The following FFAR4 variants were observed in gnomAD, a reference collection of about 807,000 sequenced individuals.
FFAR4 encodes the protein free fatty acid receptor 4.
In FFAR4, 19 loss-of-function variants were observed where a neutral mutation model predicts 27.0. The observed-to-expected ratio is 0.70, with a 90% CI of 0.49 to 1.03. FFAR4 has a LOEUF of 1.03. FFAR4 is among the 50% of genes least tolerant of loss of function. The probability of loss-of-function intolerance (pLI) is 0.00; values close to 1 mark genes in which losing one functional copy is unlikely to be tolerated. For synonymous variants in FFAR4, 254 were observed against 215.6 expected (o/e 1.18, Z -1.56); for missense variants, 476 against 479.0 (o/e 0.99, Z 0.06).
intron 2 of FFAR4, among the ~76,000 whole-genome samples, chr10:93,586,620 A>G (rs1040621602): frequency 6.6e-6 from 1 of 152,214 alleles, no homozygotes; most frequent in Non-Finnish European, 1.5e-5. Context: ...CTCTGTGCAG[A>G]TATGGCCCGA....
intron 1 of FFAR4, among the ~76,000 whole-genome samples, chr10:93,568,123 G>A (rs965709012): frequency 6.6e-6 from 1 of 152,070 alleles, no homozygotes. Flanking sequence ...CAAGTCCCGC[G>A]GTCCGGAATC....
At chr10:93,570,065 A>G (rs1451159148) in intron 1 of FFAR4, among the ~76,000 whole-genome samples, 1 of 151,824 alleles carries the variant, frequency 6.6e-6, no homozygotes, top group Non-Finnish European at 1.5e-5. Context: ...TCTCAAAAAA[A>G]AAAAATTTTT....
chr10:93,584,717 T>TG (rs887554189), intron 2 of FFAR4, among the ~76,000 whole-genome samples: 2 of 152,028 alleles, frequency 1.3e-5, no homozygotes, highest in African/African-American at 4.8e-5. Context: ...GTTTTTGTTT[T>TG]TTTTTTTGAG....
At chr10:93,569,379 G>A (rs1464525725) in intron 1 of FFAR4, among the ~76,000 whole-genome samples, 1 of 151,864 alleles carries the variant, frequency 6.6e-6, no homozygotes, top group African/African-American at 2.4e-5. Context: ...CTAAAATTGT[G>A]TGCTGACAGG....
chr10:93,575,039 G>A (rs1040085982), intron 1 of FFAR4, among the ~76,000 whole-genome samples: 12 of 152,230 alleles, frequency 7.9e-5, no homozygotes, highest in East Asian at 5.8e-4. Context: ...CTAGTAGAGC[G>A]TTCAATGAAT....
intron 2 of FFAR4, among the ~76,000 whole-genome samples, chr10:93,577,105 G>A (rs1162646820): frequency 6.6e-6 from 1 of 152,114 alleles, no homozygotes; most frequent in Non-Finnish European, 1.5e-5. Flanking sequence ...ACATAAAAAG[G>A]ACGAGTCAGC....
chr10:93,575,819 G>A (rs921234892), intron 1 of FFAR4, among the ~76,000 whole-genome samples: 4 of 152,178 alleles, frequency 2.6e-5, no homozygotes, highest in Admixed American at 6.5e-5. Context: ...CCTAGGAACC[G>A]ACTCTAGCTC....
intron 2 of FFAR4, 77 bp from the exon 3 acceptor site, chr10:93,587,143 A>C: frequency 7.5e-7 from 1 of 1,338,952 alleles, no homozygotes; most frequent in Non-Finnish European, 1.0e-6. Flanking sequence ...GCAGATTCCA[A>C]CTCTTGGGCC....
chr10:93,584,731 G>A (rs2058217589), intron 2 of FFAR4, among the ~76,000 whole-genome samples: 1 of 150,754 alleles, frequency 6.6e-6, no homozygotes, highest in Admixed American at 6.6e-5. Flanking sequence ...TTTTGAGACA[G>A]GGCCTCACTG....
At chr10:93,567,374 A>G in intron 1 of FFAR4, 87 bp downstream of exon 1, 1 of 1,184,066 alleles carries the variant, frequency 8.4e-7, no homozygotes, top group Non-Finnish European at 1.2e-6. Flanking sequence ...AGGATGATCA[A>G]GAACAACAAT....
chr10:93,566,686 T>C lies in FFAR4; in HGVS notation c.-35T>C. On this transcript the variant is annotated 5_prime_UTR_variant, in exon 1 of 3. Transcript: ENST00000371481. ...ACTCAGTCGCCTCCCAGATGAGCAC[T>C]CTCTCAGACCGCTGCGGGCCGCCAG... The C allele has an allele frequency of 7.3e-7, 1 of 1,377,234 alleles. No individual in the cohort carries two copies. The highest frequency in any genetic ancestry group is 1.4e-5 in the South Asian group (1 of 72,586). 85.3% of individuals were successfully genotyped at this position (1,377,234 alleles called of 1,614,324 possible). A position where few individuals can be genotyped will look rare whatever the true frequency, so the allele number is the denominator to read the frequency against.
rs149915773 is a variant in FFAR4, at chr10:93,566,862, G to A, written c.142G>A (p.Val48Met). The change falls in exon 1 of 3, where the codon GTG (valine) becomes ATG (methionine). Residue 48 changes from valine (V) to methionine (M), a missense_variant. Physicochemically the swap from Val to Met is conservative, Grantham distance 21. Transcript: ENST00000371481. ...GGCCGCGGTGGAGACAACCGTGCTGGTGCTCATCTTTGCAGTGTCGCTGCT... is the reference window on the plus strand; with the variant it reads ...GGCCGCGGTGGAGACAACCGTGCTGATGCTCATCTTTGCAGTGTCGCTGCT... ...VLAAVETTVL[V>M]LIFAVSLLGN... is the part of the protein sequence containing the mutation. The A allele has an allele frequency of 2.2e-5, 36 of 1,601,694 alleles. No homozygotes were observed. In the African/African-American group the frequency reaches 3.5e-4, roughly 16 times the overall value.
At chr10:93,579,350 C>T (rs2058186100) in intron 2 of FFAR4, 6 of 734,202 alleles carry the variant, frequency 8.2e-6, no homozygotes. Context: ...TCCACATTGG[C>T]CTTGAGGCTG....
chr10:93,576,037 G>C lies in FFAR4; in HGVS notation c.568-54G>C, dbSNP rs1474012783. The stretch of plus-strand genomic sequence containing the variant: ...GGAAACCCTCAATAAGACTGAGCCA[G>C]AGGCCAATAAGAAGCCAGCATTTAC... On this transcript the variant is annotated intron_variant, in intron 1 of 2. Transcript: ENST00000371481. The C allele has an allele frequency of 3.8e-6, 6 of 1,598,420 alleles. No homozygotes were observed. The African/African-American group carries it at 6.7e-5, about 18-fold the overall frequency.
At chr10:93,583,336 A>G (rs1292061584) in intron 2 of FFAR4, among the ~76,000 whole-genome samples, 1 of 151,508 alleles carries the variant, frequency 6.6e-6, no homozygotes, top group Non-Finnish European at 1.5e-5. Flanking sequence ...GAATGGGGTG[A>G]ACCCAGGAGG....
At chr10:93,567,344 C>T in intron 1 of FFAR4, 57 bp downstream of exon 1, 1 of 1,487,294 alleles carries the variant, frequency 6.7e-7, no homozygotes, top group Non-Finnish European at 9.1e-7. Context: ...GGAAGCGGGG[C>T]CCCGACGGAA....
At chr10:93,573,573 T>A (rs2058144726) in intron 1 of FFAR4, among the ~76,000 whole-genome samples, 1 of 152,218 alleles carries the variant, frequency 6.6e-6, no homozygotes, top group African/African-American at 2.4e-5. Context: ...GTTATTTTAT[T>A]TTTTAATGAG....
At position 93,567,097 on chromosome 10, in the gene FFAR4, T is replaced by C; in HGVS notation, c.377T>C (p.Ile126Thr). 1 of 1,609,572 alleles carries C rather than the reference T, an allele frequency of 6.2e-7. No individual in the cohort carries two copies. Among genetic ancestry groups the C allele is most frequent in the South Asian group, 1.1e-5 (1 of 90,874 alleles). The change falls in exon 1 of 3, where the codon ATC becomes ACC. Residue 126 changes from isoleucine to threonine, a missense_variant. Transcript: ENST00000371481. Reference sequence around the variant, plus strand: ...ATGACCCTGAGCGGCAGCGTCACCATCCTCACGCTGGCCGCGGTCAGCCTG... The same window carrying C: ...ATGACCCTGAGCGGCAGCGTCACCACCCTCACGCTGGCCGCGGTCAGCCTG... Reference protein sequence around the residue: ...YVMTLSGSVTILTLAAVSLER... With the variant: ...YVMTLSGSVTTLTLAAVSLER...
At chr10:93,576,670 A>G (rs1391623867) in intron 2 of FFAR4, among the ~76,000 whole-genome samples, 1 of 152,180 alleles carries the variant, frequency 6.6e-6, no homozygotes, top group Non-Finnish European at 1.5e-5. Context: ...CAGATATGAG[A>G]TAATACTCTC....
Sources: allele counts gnomAD v4.1 joint callset (sites outside exome capture counted in the v4.1 genomes callset), GRCh38; gene constraint gnomAD v4.1.1; transcripts MANE v1.5; gene names NCBI Gene and HGNC (gene_info 2026-07-23, HGNC 2026-07-21).